PRDM16: variants seen among roughly 807,000 people sequenced by gnomAD.
PRDM16 encodes histone-lysine N-methyltransferase PRDM16.
Under a neutral mutation model 110.6 loss-of-function variants are expected in PRDM16, and 23 were observed. The observed-to-expected ratio is 0.21, with a 90% CI of 0.15 to 0.29. The LOEUF (loss-of-function observed/expected upper bound fraction) is 0.29, where lower values mean the gene tolerates loss of function less well. Among genes scored for constraint, PRDM16 ranks in the 10% least tolerant of loss-of-function variants. The probability of loss-of-function intolerance (pLI) is 1.00; values close to 1 mark genes in which losing one functional copy is unlikely to be tolerated. For synonymous variants in PRDM16, 799 were observed against 781.8 expected (o/e 1.02, Z -0.37); for missense variants, 1,615 against 1,794.3 (o/e 0.90, Z 1.81).
At position 3,069,388 on chromosome 1, in the gene PRDM16, C is replaced by T; in HGVS notation, c.37+92C>T. On this transcript the variant is annotated intron_variant, in intron 1 of 16. Transcript: ENST00000270722. This position sits in a 1 kb window ranked among gnomAD's most constrained non-coding sequence, Gnocchi z 6.1. ...CCAGGGGTGCGCGTCGGGGCGCGGC[C>T]GGCGCGCCTGCGGCTCCGGGCCCCC... 3.1e-6 allele frequency: 1 copy of T among 323,154 alleles called. No individual in the cohort carries two copies. The highest frequency in any genetic ancestry group is 4.4e-6 in the Non-Finnish European group (1 of 229,730). 20.0% of individuals were successfully genotyped at this position (323,154 alleles called of 1,614,324 possible).
At chr1:3,351,985 G>C (rs1168032687) in intron 3 of PRDM16, among the ~76,000 whole-genome samples, 2 of 151,848 alleles carry the variant, frequency 1.3e-5, no homozygotes, top group Non-Finnish European at 2.9e-5. Context: ...AGACCCTAAG[G>C]ACCTCCCCAA....
At chr1:3,391,998 T>C (rs1643308715) in intron 4 of PRDM16, among the ~76,000 whole-genome samples, 1 of 152,120 alleles carries the variant, frequency 6.6e-6, no homozygotes, top group Non-Finnish European at 1.5e-5. Flanking sequence ...TTTCCCACAC[T>C]CACAGCGTGT....
At chr1:3,288,121 C>T (rs770157749) in intron 3 of PRDM16, among the ~76,000 whole-genome samples, 2 of 152,240 alleles carry the variant, frequency 1.3e-5, no homozygotes, top group Admixed American at 1.3e-4. Context: ...GTCCACACAG[C>T]GCATGACAAA....
At chr1:3,323,934 C>A (rs1302614818) in intron 3 of PRDM16, among the ~76,000 whole-genome samples, 1 of 152,166 alleles carries the variant, frequency 6.6e-6, no homozygotes, top group Non-Finnish European at 1.5e-5. Context: ...GGGCAGCGGA[C>A]GGGGCTGGTG....
In PRDM16 at chr1:3,245,302, A is replaced by G. The variant is rs1300837472; in HGVS notation, c.438+1165A>G. Among the ~76,000 whole-genome samples the G allele has an allele frequency of 6.6e-6, 1 of 152,170 alleles. No homozygotes were observed. The highest frequency in any genetic ancestry group is 1.9e-4 in the East Asian group (1 of 5,188). On this transcript the variant is annotated intron_variant, in intron 3 of 16. Coordinates refer to ENST00000270722, the MANE Select transcript of PRDM16 (RefSeq NM_022114.4). The surrounding 1 kb of genome is among the most constrained non-coding windows in gnomAD (Gnocchi z 4.7). ...AGGAAAGTGCTGTGCTAGTCCTGCC[A>G]AACTCCCAGTCTCTGAGCCGAGGCA...
At chr1:3,222,590 T>C (rs1444936949) in intron 2 of PRDM16, among the ~76,000 whole-genome samples, 1 of 152,164 alleles carries the variant, frequency 6.6e-6, no homozygotes, top group Non-Finnish European at 1.5e-5. Context: ...CCAGCAGGCC[T>C]CATGCACCAG....
intron 3 of PRDM16, among the ~76,000 whole-genome samples, chr1:3,285,054 G>A (rs1177049101): frequency 3.9e-5 from 6 of 152,214 alleles, no homozygotes; most frequent in Non-Finnish European, 8.8e-5. Flanking sequence ...TGCCCTGGAC[G>A]GGGTGCAAGG....
At chr1:3,075,432 T>G (rs771214538) in intron 1 of PRDM16, among the ~76,000 whole-genome samples, 8 of 152,266 alleles carry the variant, frequency 5.3e-5, no homozygotes, top group Admixed American at 1.3e-4. Flanking sequence ...ATTGGTGTGT[T>G]TAATTTCATT....
chr1:3,073,364 A>G (rs1394994795), intron 1 of PRDM16, among the ~76,000 whole-genome samples: 1 of 152,282 alleles, frequency 6.6e-6, no homozygotes, highest in Non-Finnish European at 1.5e-5. Flanking sequence ...ATGTATAATT[A>G]GAGTTTCAAC....
intron 2 of PRDM16, among the ~76,000 whole-genome samples, chr1:3,232,559 C>T (rs887683442): frequency 7.2e-5 from 11 of 152,072 alleles, no homozygotes; most frequent in Admixed American, 1.3e-4. Context: ...CTCAGAAATG[C>T]GAGTCCACAA....
chr1:3,310,863 G>A (rs1309285993), intron 3 of PRDM16, among the ~76,000 whole-genome samples: 2 of 151,898 alleles, frequency 1.3e-5, no homozygotes, highest in African/African-American at 2.4e-5. Flanking sequence ...ATATAAGTGT[G>A]TGTGCATGTG....
intron 3 of PRDM16, among the ~76,000 whole-genome samples, chr1:3,264,864 CT>C (rs1640251099): frequency 6.6e-6 from 1 of 152,042 alleles, no homozygotes; most frequent in Admixed American, 6.5e-5. Context: ...AAGGATCAGG[CT>C]ATGGAAATAG....
At chr1:3,088,269 C>T (rs960728162) in intron 1 of PRDM16, among the ~76,000 whole-genome samples, 2 of 151,568 alleles carry the variant, frequency 1.3e-5, no homozygotes, top group Non-Finnish European at 2.9e-5. Context: ...AGTCACTGGG[C>T]ACAGTCTAGA....
At chr1:3,431,782 T>C (rs1007948420) in intron 15 of PRDM16, among the ~76,000 whole-genome samples, 184 bp from the exon 16 acceptor site, 1 of 152,258 alleles carries the variant, frequency 6.6e-6, no homozygotes. Context: ...TCCGTCACTC[T>C]CCTGCATCCG....
At position 3,195,570 on chromosome 1, in the gene PRDM16, T is replaced by C. The variant is rs200148999; in HGVS notation, c.387+9096T>C. 4.6e-5 allele frequency among the ~76,000 whole-genome samples: 7 copies of C among 151,946 alleles called. No homozygotes were observed. The East Asian group carries it at 1.4e-3, about 30-fold the overall frequency. On this transcript the variant is annotated intron_variant, in intron 2 of 16. Coordinates refer to ENST00000270722, the MANE Select transcript of PRDM16 (RefSeq NM_022114.4). ...AACTTCTTAAATAGTATTTTGCCAA[T>C]CGCATCCCACACGCCCCGCCCCCCC...
chr1:3,111,455 G>A (rs993221641), intron 1 of PRDM16, among the ~76,000 whole-genome samples: 1 of 151,668 alleles, frequency 6.6e-6, no homozygotes, highest in African/African-American at 2.4e-5. Context: ...CCAGTGCCAC[G>A]CGGACTCCTG....
intron 1 of PRDM16, among the ~76,000 whole-genome samples, chr1:3,181,225 TACAC>T (rs75819013): frequency 6.2e-5 from 4 of 64,712 alleles, no homozygotes; most frequent in Admixed American, 3.8e-4. Context: ...CACGCAGTCT[TACAC>T]ACGGTCTTAC....
At chr1:3,127,779 C>T (rs538120004) in intron 1 of PRDM16, among the ~76,000 whole-genome samples, 1 of 152,330 alleles carries the variant, frequency 6.6e-6, no homozygotes, top group Admixed American at 6.5e-5. Context: ...AGGCCTGAGG[C>T]CTGCCCCATA....
intron 1 of PRDM16, among the ~76,000 whole-genome samples, chr1:3,173,794 T>C (rs902897476): frequency 1.3e-5 from 2 of 152,304 alleles, no homozygotes; most frequent in African/African-American, 4.8e-5. Context: ...GGCTCCGTGC[T>C]CAGCAATGCG....
Sources: allele counts gnomAD v4.1 joint callset (sites outside exome capture counted in the v4.1 genomes callset), GRCh38; gene constraint gnomAD v4.1.1; non-coding constraint Gnocchi (gnomAD v3.1); transcripts MANE v1.5; gene names NCBI Gene and HGNC (gene_info 2026-07-23, HGNC 2026-07-21).